ZNF704: variants seen among roughly 807,000 people sequenced by gnomAD.
ZNF704 encodes zinc finger protein 704.
In ZNF704, 10 loss-of-function variants were observed where a neutral mutation model predicts 44.7. The ratio of observed to expected loss-of-function variants is 0.22; its 90% CI spans 0.14 to 0.38. The LOEUF is 0.38. Among genes scored for constraint, ZNF704 ranks in the 10% least tolerant of loss-of-function variants. The probability of loss-of-function intolerance (pLI) is 1.00; values close to 1 mark genes in which losing one functional copy is unlikely to be tolerated. For synonymous variants in ZNF704, 211 were observed against 207.6 expected (o/e 1.02, Z -0.14); for missense variants, 390 against 545.5 (o/e 0.71, Z 2.84).
chr8:80,853,519 G>A (rs1179427560), intron 1 of ZNF704, among the ~76,000 whole-genome samples: 1 of 151,376 alleles, frequency 6.6e-6, no homozygotes, highest in Non-Finnish European at 1.5e-5. Context: ...CAGTTCTGTG[G>A]AAAACAGACT....
intron 2 of ZNF704, among the ~76,000 whole-genome samples, chr8:80,771,663 T>A (rs1807322514): frequency 6.6e-6 from 1 of 152,130 alleles, no homozygotes; most frequent in Admixed American, 6.6e-5. Context: ...CAGTTTTGGT[T>A]TTTTTCCTTT....
chr8:80,702,785 C>G lies in ZNF704; in HGVS notation c.222-9678G>C, dbSNP rs59202477. On this transcript the variant is annotated intron_variant, in intron 2 of 8. Coordinates refer to ENST00000327835, the MANE Select transcript of ZNF704 (RefSeq NM_001033723.3). ...GAGATGGCCGAGTCCAAGGTATGGC[C>G]GTGGGAGTAGAGGGCAGAGGCAGGG... 7.3e-3 allele frequency among the ~76,000 whole-genome samples: 1,113 copies of G among 151,952 alleles called. 14 individuals are homozygous for G. The highest frequency in any genetic ancestry group is 0.026 in the African/African-American group (1,082 of 41,442).
chr8:80,841,344 T>C (rs1271486924), intron 1 of ZNF704, among the ~76,000 whole-genome samples: 2 of 152,150 alleles, frequency 1.3e-5, no homozygotes, highest in Admixed American at 1.3e-4. Flanking sequence ...ACGGCAGAGG[T>C]ATTAAATGAG....
rs182504762 is a variant in ZNF704 at position 80,859,828 on chromosome 8, G to A, written c.-22+14743C>T. Among the ~76,000 whole-genome samples the A allele has an allele frequency of 9.1e-4, 138 of 152,272 alleles. 1 individual carries two copies. The highest frequency in any genetic ancestry group is 1.5e-3 in the Non-Finnish European group (99 of 68,022). ...ACAGAAAAGCGACACAGAGAGATTA[G>A]AAGAGGTCAGGGTTGGTGAAAGGAC... On this transcript the variant is annotated intron_variant, in intron 1 of 8. Coordinates refer to ENST00000327835, the MANE Select transcript of ZNF704 (RefSeq NM_001033723.3).
At chr8:80,692,951 C>T (rs2131637234) in intron 3 of ZNF704, 53 bp downstream of exon 3, 2 of 1,498,844 alleles carry the variant, frequency 1.3e-6, no homozygotes, top group Non-Finnish European at 1.9e-6. Context: ...CAAAGAAAGG[C>T]CCTGCTCTTG....
intron 6 of ZNF704, among the ~76,000 whole-genome samples, chr8:80,659,972 C>T (rs925459601): frequency 2.0e-5 from 3 of 152,042 alleles, no homozygotes; most frequent in African/African-American, 7.2e-5. Flanking sequence ...TTTTAGGATA[C>T]CTGTGAGGTA....
chr8:80,673,222 C>T (rs542078343), intron 4 of ZNF704: 4 of 152,238 alleles, frequency 2.6e-5, no homozygotes, highest in African/African-American at 9.6e-5. Flanking sequence ...CTTTTTCCCC[C>T]ATGCAGGTTC....
chr8:80,880,376 T>C, the ZNF704 span, among the ~76,000 whole-genome samples: 2 of 152,168 alleles, frequency 1.3e-5, no homozygotes, highest in Non-Finnish European at 1.5e-5. Context: ...AAAAAGAACA[T>C]GAAAGGCCAC....
rs371766239 is a variant in ZNF704, at chr8:80,765,799, A to G, written c.221+55575T>C. Among the ~76,000 whole-genome samples the G allele has an allele frequency of 1.5e-3, 224 of 152,282 alleles. 2 individuals carry two copies. The highest frequency in any genetic ancestry group is 4.6e-3 in the African/African-American group (192 of 41,558). On this transcript the variant is annotated intron_variant, in intron 2 of 8. Transcript: ENST00000327835. ...CACCTATCTCTTCATTAGATCATAAAAATTATAGATAAGAATTATGATCAA... is the reference window on the plus strand; with the variant it reads ...CACCTATCTCTTCATTAGATCATAAGAATTATAGATAAGAATTATGATCAA...
intron 6 of ZNF704, among the ~76,000 whole-genome samples, chr8:80,664,272 AT>A (rs146856594): frequency 0.063 from 8,000 of 126,618 alleles, 559 homozygotes; most frequent in African/African-American, 0.19. Flanking sequence ...AACATTAGGG[AT>A]TTTTTTTTTT....
chr8:80,860,901 C>T (rs1248538815), intron 1 of ZNF704, among the ~76,000 whole-genome samples: 8 of 152,154 alleles, frequency 5.3e-5, no homozygotes, highest in Admixed American at 3.3e-4. Flanking sequence ...TTTGTATGGA[C>T]CAGGTCTGTT....
At chr8:80,795,047 A>C (rs1807774589) in intron 2 of ZNF704, among the ~76,000 whole-genome samples, 1 of 152,234 alleles carries the variant, frequency 6.6e-6, no homozygotes, top group African/African-American at 2.4e-5. Context: ...GATGAGCGAC[A>C]GATTTTATTT....
In ZNF704 at chr8:80,635,128, C is replaced by T. The variant is rs980571130; in HGVS notation, c.*6238G>A. ...CTTTTGATGTTATCTGCATACTTGG[C>T]TAATTAGGCTAGCTTTTGGATTACT... On this transcript the variant is annotated 3_prime_UTR_variant, in exon 9 of 9. Coordinates refer to ENST00000327835, the MANE Select transcript of ZNF704 (RefSeq NM_001033723.3). The T allele has an allele frequency of 6.6e-6, 1 of 152,158 alleles. No homozygotes were observed. The highest frequency in any genetic ancestry group is 2.4e-5 in the African/African-American group (1 of 41,428). The allele number at this position is 152,158 out of a possible 1,614,324, so 9.4% of individuals were successfully genotyped here.
chr8:80,877,833 G>A (rs182513199), upstream of ZNF704, among the ~76,000 whole-genome samples: 2 of 152,172 alleles, frequency 1.3e-5, no homozygotes, highest in Admixed American at 1.3e-4. Flanking sequence ...TTTTGTGGAG[G>A]CATTAAGTGT....
chr8:80,807,587 A>G lies in ZNF704; in HGVS notation c.221+13787T>C, dbSNP rs188825211. On this transcript the variant is annotated intron_variant, in intron 2 of 8. Transcript: ENST00000327835. ...AATATTTACAGAAAAAAAGTGTTCA[A>G]TATATGCGCTCGTTTAGCTTATGAA... Among the ~76,000 whole-genome samples, 774 of 152,320 alleles carry G rather than the reference A, an allele frequency of 5.1e-3. 4 individuals are homozygous for G. The highest frequency in any genetic ancestry group is 8.3e-3 in the Non-Finnish European group (562 of 68,042).
chr8:80,708,048 A>G (rs1465158857), intron 2 of ZNF704, among the ~76,000 whole-genome samples: 1 of 152,192 alleles, frequency 6.6e-6, no homozygotes, highest in Non-Finnish European at 1.5e-5. Flanking sequence ...TTTTAATTGC[A>G]TTACCAATAT....
chr8:80,650,455 G>GCAGAGAAGTC (rs1817899818), intron 7 of ZNF704, among the ~76,000 whole-genome samples: 1 of 152,210 alleles, frequency 6.6e-6, no homozygotes, highest in African/African-American at 2.4e-5. Context: ...AATAACCAAT[G>GCAGAGAAGTC]CAGAGAAGTC....
In ZNF704 at chr8:80,775,996, A is replaced by T. The variant is rs189510393; in HGVS notation, c.221+45378T>A. ...GTATTATGCACACAATTTTTCAAAAACTTCGCACTTCAAAATAATTTTTCC... is the reference window on the plus strand; with the variant it reads ...GTATTATGCACACAATTTTTCAAAATCTTCGCACTTCAAAATAATTTTTCC... On this transcript the variant is annotated intron_variant, in intron 2 of 8. Coordinates refer to ENST00000327835, the MANE Select transcript of ZNF704 (RefSeq NM_001033723.3). Among the ~76,000 whole-genome samples the T allele has an allele frequency of 7.2e-4, 109 of 152,292 alleles. No individual in the cohort carries two copies. In the East Asian group the frequency reaches 0.016, roughly 23 times the overall value.
chr8:80,676,457 A>G (rs1818367057), intron 4 of ZNF704, among the ~76,000 whole-genome samples: 1 of 152,154 alleles, frequency 6.6e-6, no homozygotes, highest in Non-Finnish European at 1.5e-5. Flanking sequence ...GAGACAGGAC[A>G]GTTCTCTGCT....
Sources: allele counts gnomAD v4.1 joint callset (sites outside exome capture counted in the v4.1 genomes callset), GRCh38; gene constraint gnomAD v4.1.1; transcripts MANE v1.5; gene names NCBI Gene and HGNC (gene_info 2026-07-23, HGNC 2026-07-21).